NFIB: variants seen among roughly 807,000 people sequenced by gnomAD.
The protein encoded by NFIB is nuclear factor I B.
NFIB carries 11 observed loss-of-function variants against 61.5 expected under a neutral mutation model. That is an observed-to-expected ratio of 0.18 (90% CI 0.11 to 0.30). The LOEUF (loss-of-function observed/expected upper bound fraction) is 0.30. Among genes scored for constraint, NFIB ranks in the 10% least tolerant of loss-of-function variants. NFIB has a pLI of 1.00. For missense variants in NFIB, 471 were observed against 608.9 expected, an observed-to-expected ratio of 0.77 and a Z score of 2.38; for synonymous variants, 260 against 216.5, an observed-to-expected ratio of 1.20 and a Z score of -1.76.
the NFIB span, among the ~76,000 whole-genome samples, chr9:14,515,039 T>C: frequency 4.6e-5 from 7 of 152,176 alleles, no homozygotes; most frequent in African/African-American, 1.4e-4. Context: ...TAGCAGAGAA[T>C]TGAGACTAAA....
intron 6 of NFIB, among the ~76,000 whole-genome samples, chr9:14,127,731 A>C (rs2039855296): frequency 6.6e-6 from 1 of 152,202 alleles, no homozygotes; most frequent in East Asian, 1.9e-4. Flanking sequence ...GCTCTGGTAA[A>C]GGCATTCATA....
chr9:14,114,961 A>G (rs896387537), intron 9 of NFIB, among the ~76,000 whole-genome samples: 15 of 152,230 alleles, frequency 9.9e-5, no homozygotes, highest in African/African-American at 3.4e-4. Context: ...AAACCTCTAG[A>G]ACAAAATAAT....
chr9:14,230,352 TG>T (rs2052971498), intron 2 of NFIB, among the ~76,000 whole-genome samples: 1 of 152,150 alleles, frequency 6.6e-6, no homozygotes, highest in Non-Finnish European at 1.5e-5. Flanking sequence ...CTATTTCCAA[TG>T]GGTATTAACA....
the NFIB span, among the ~76,000 whole-genome samples, chr9:14,451,224 G>A: frequency 6.6e-6 from 1 of 152,186 alleles, no homozygotes; most frequent in African/African-American, 2.4e-5. Context: ...TAATTTTTCA[G>A]CAACATTTAT....
chr9:14,285,356 C>G (rs919159393), intron 2 of NFIB, among the ~76,000 whole-genome samples: 3 of 152,186 alleles, frequency 2.0e-5, no homozygotes, highest in African/African-American at 7.2e-5. Flanking sequence ...CTCCTGACCT[C>G]AGGTAATCCC....
upstream of NFIB, among the ~76,000 whole-genome samples, chr9:14,399,707 G>A (rs2061723496): frequency 6.6e-6 from 1 of 152,116 alleles, no homozygotes. Context: ...TAGGCATCTG[G>A]TTATTATAGT....
At chr9:14,096,391 C>T (rs1035241875) in intron 10 of NFIB, 2 of 152,188 alleles carry the variant, frequency 1.3e-5, no homozygotes, top group Non-Finnish European at 2.9e-5. Context: ...CACCGGTTTA[C>T]TGCAGAGCGG....
At chr9:14,467,051 G>A in the NFIB span, among the ~76,000 whole-genome samples, 3 of 152,164 alleles carry the variant, frequency 2.0e-5, no homozygotes, top group South Asian at 6.2e-4. Flanking sequence ...GAGGGCAGGA[G>A]AACCAGCAAA....
chr9:14,392,682 T>C (rs558239895), intron 1 of NFIB, among the ~76,000 whole-genome samples: 1 of 151,784 alleles, frequency 6.6e-6, no homozygotes, highest in South Asian at 2.1e-4. Context: ...ATTGTGCCAC[T>C]GCATGATAAC....
Position 14,143,499 on chromosome 9 carries a change from G to T in NFIB, c.925+3190C>A, listed in dbSNP as rs189433951. Among the ~76,000 whole-genome samples, 119 of 152,108 alleles carry T rather than the reference G, an allele frequency of 7.8e-4. No individual in the cohort carries two copies. The Middle Eastern group carries it at 0.017, about 22-fold the overall frequency. ...ATTTAATAAATCAATTTTGCTAAGG[G>T]CTATGTCAAGAACAGATTTTAATGC... On this transcript the variant is annotated intron_variant, in intron 6 of 10. Coordinates refer to ENST00000380953, the MANE Select transcript of NFIB (RefSeq NM_001190737.2).
chr9:14,167,588 T>C (rs980112350), intron 3 of NFIB, among the ~76,000 whole-genome samples: 21 of 152,300 alleles, frequency 1.4e-4, no homozygotes, highest in African/African-American at 4.3e-4. Context: ...GTACACTATA[T>C]ATATGCAACT....
chr9:14,311,151 G>C (rs2060260585), intron 1 of NFIB, among the ~76,000 whole-genome samples: 1 of 151,918 alleles, frequency 6.6e-6, no homozygotes, highest in Non-Finnish European at 1.5e-5. Context: ...TGCTGATTTT[G>C]TAGCATACTA....
intron 1 of NFIB, among the ~76,000 whole-genome samples, chr9:14,381,518 T>C (rs1459679216): frequency 6.6e-6 from 1 of 152,220 alleles, no homozygotes; most frequent in Non-Finnish European, 1.5e-5. Context: ...CTGTAACGAT[T>C]TTTTAAATAG....
At chr9:14,200,656 A>G (rs1284044088) in intron 2 of NFIB, among the ~76,000 whole-genome samples, 1 of 151,752 alleles carries the variant, frequency 6.6e-6, no homozygotes, top group African/African-American at 2.4e-5. Flanking sequence ...CCAATCCTCT[A>G]TTTCTGAGGG....
upstream of NFIB, among the ~76,000 whole-genome samples, chr9:14,318,773 C>T (rs375870155): frequency 9.3e-4 from 141 of 152,054 alleles, no homozygotes; most frequent in Middle Eastern, 3.4e-3. Context: ...CAAGGAGGAA[C>T]ACCAAAAATC....
intron 10 of NFIB, among the ~76,000 whole-genome samples, chr9:14,096,966 G>A (rs1477808130): frequency 6.6e-6 from 1 of 152,134 alleles, no homozygotes; most frequent in Non-Finnish European, 1.5e-5. Flanking sequence ...GAAATGTCGT[G>A]TTGTACAAAT....
chr9:14,395,857 G>C (rs886259720), intron 1 of NFIB, among the ~76,000 whole-genome samples: 1 of 150,590 alleles, frequency 6.6e-6, no homozygotes, highest in Non-Finnish European at 1.5e-5. Context: ...GCCTCAGTGC[G>C]GGTGAGATAT....
Position 14,234,091 on chromosome 9 carries a change from G to A in NFIB, c.563-54311C>T, listed in dbSNP as rs536197356. Among the ~76,000 whole-genome samples the A allele has an allele frequency of 2.6e-5, 4 of 152,260 alleles. No homozygotes were observed. The South Asian group carries it at 8.3e-4, about 32-fold the overall frequency. On this transcript the variant is annotated intron_variant, in intron 2 of 10. Transcript: ENST00000380953. ...ACTTCTGTGACTCTTGGAAAATCCA[G>A]GATTGAAGCCTGCAGTCCTGTGACT... is the stretch of plus-strand genomic sequence containing the variant.
At chr9:14,144,324 C>A (rs1312562593) in intron 6 of NFIB, among the ~76,000 whole-genome samples, 3 of 152,188 alleles carry the variant, frequency 2.0e-5, no homozygotes, top group African/African-American at 7.2e-5. Context: ...CATTCCCACA[C>A]ATTCACAAGG....
Sources: gnomAD v4.1 joint callset for allele counts (sites outside exome capture counted in the v4.1 genomes callset) on GRCh38, gnomAD v4.1.1 for gene constraint, MANE v1.5 for transcripts, NCBI Gene and HGNC (gene_info 2026-07-23, HGNC 2026-07-21) for gene names.